The following ANK2 variants were observed in gnomAD, a reference collection of about 807,000 sequenced individuals.
ANK2 encodes the protein ankyrin-2.
ANK2 carries 83 observed loss-of-function variants against 360.5 expected under a neutral mutation model. The ratio of observed to expected loss-of-function variants is 0.23; its 90% CI spans 0.19 to 0.28. The LOEUF (loss-of-function observed/expected upper bound fraction) is 0.28, where lower values mean the gene tolerates loss of function less well. Ranked by LOEUF, ANK2 falls within the 10% of genes least tolerant of loss-of-function variation. The pLI, the probability that ANK2 is intolerant of heterozygous loss-of-function variation, is 1.00. For missense variants in ANK2, 4,201 were observed against 4,795.7 expected (o/e 0.88, Z 3.66); for synonymous variants, 1,740 against 1,759.5 (o/e 0.99, Z 0.28).
chr4:113,266,694 A>G (rs1352423153), intron 14 of ANK2, among the ~76,000 whole-genome samples: 2 of 152,350 alleles, frequency 1.3e-5, no homozygotes, highest in East Asian at 1.9e-4. Flanking sequence ...CCTGACCAAC[A>G]TGGAGAAACC....
At chr4:113,046,862 G>C (rs1163805243), upstream of ANK2, among the ~76,000 whole-genome samples, 1 of 152,142 alleles carries the variant, frequency 6.6e-6, no homozygotes, top group Admixed American at 6.5e-5. Context: ...TGTTACAAAG[G>C]CTGTCAGAAC....
upstream of ANK2, among the ~76,000 whole-genome samples, chr4:112,813,128 C>T (rs977105786): frequency 3.3e-5 from 5 of 151,342 alleles, no homozygotes; most frequent in African/African-American, 1.2e-4. Flanking sequence ...GTCCCAGCTA[C>T]TTGGGAGGCT....
intron 22 of ANK2, among the ~76,000 whole-genome samples, chr4:113,294,364 T>C (rs1042452913): frequency 6.6e-6 from 1 of 152,244 alleles, no homozygotes; most frequent in South Asian, 2.1e-4. Flanking sequence ...AAAGAATGGC[T>C]CTTTAATTTA....
intron 1 of ANK2, among the ~76,000 whole-genome samples, chr4:113,077,235 T>G (rs1192142100): frequency 2.6e-5 from 4 of 152,090 alleles, no homozygotes; most frequent in African/African-American, 9.7e-5. Flanking sequence ...CATCATATCA[T>G]GTTAAGAGAA....
At chr4:113,007,738 T>C (rs2053388599) in intron 2 of ANK2, among the ~76,000 whole-genome samples, 1 of 152,162 alleles carries the variant, frequency 6.6e-6, no homozygotes, top group South Asian at 2.1e-4. Context: ...AAATAAGCCA[T>C]GTTATACAAG....
At chr4:112,775,536 C>CACACACACACACACAT in the ANK2 span, among the ~76,000 whole-genome samples, 2 of 151,576 alleles carry the variant, frequency 1.3e-5, no homozygotes, top group Non-Finnish European at 2.9e-5. Flanking sequence ...CACACACACA[C>CACACACACACACACAT]ACACACACAA....
chr4:113,092,597 G>A (rs2088959758), intron 1 of ANK2, among the ~76,000 whole-genome samples: 1 of 125,230 alleles, frequency 8.0e-6, no homozygotes, highest in African/African-American at 3.1e-5. Context: ...AAGTTACTAT[G>A]TTCTATGTAT....
At chr4:112,948,155 A>G (rs1428434008) in intron 2 of ANK2, among the ~76,000 whole-genome samples, 1 of 151,978 alleles carries the variant, frequency 6.6e-6, no homozygotes. Context: ...GTTGTGGGTA[A>G]TTTCTCGCAG....
chr4:112,890,312 C>A (rs1374212975), intron 1 of ANK2, among the ~76,000 whole-genome samples: 1 of 152,152 alleles, frequency 6.6e-6, no homozygotes, highest in Non-Finnish European at 1.5e-5. Flanking sequence ...TGAAACTTGG[C>A]TCCTCAGTCT....
chr4:112,903,565 G>A (rs2084176987), intron 1 of ANK2, among the ~76,000 whole-genome samples: 1 of 152,098 alleles, frequency 6.6e-6, no homozygotes, highest in African/African-American at 2.4e-5. Flanking sequence ...TAGAAGCATG[G>A]CCATATATTA....
At chr4:112,919,611 T>C (rs1345854373) in intron 2 of ANK2, among the ~76,000 whole-genome samples, 2 of 152,112 alleles carry the variant, frequency 1.3e-5, no homozygotes, top group Non-Finnish European at 2.9e-5. Flanking sequence ...ATGAAATAAG[T>C]ATAATACCAA....
intron 1 of ANK2, among the ~76,000 whole-genome samples, chr4:113,117,669 T>G (rs1220145651): frequency 6.6e-6 from 1 of 152,196 alleles, no homozygotes; most frequent in Non-Finnish European, 1.5e-5. Flanking sequence ...TTTGTCTCAA[T>G]TATCTTTATT....
intron 26 of ANK2, among the ~76,000 whole-genome samples, chr4:113,324,258 A>G (rs1307021712): frequency 1.3e-5 from 2 of 152,180 alleles, no homozygotes; most frequent in African/African-American, 2.4e-5. Flanking sequence ...AAAGGCTGAA[A>G]GTGTATTAGT....
Position 112,825,971 on chromosome 4 carries a change from G to A in ANK2, c.-40+7707G>A, listed in dbSNP as rs146841721. ...GCCTTAATTACTTATTTCACAGGAAGGTCAAAGAATTGTGTTTTGGCTTAC... is the reference window on the plus strand; with the variant it reads ...GCCTTAATTACTTATTTCACAGGAAAGTCAAAGAATTGTGTTTTGGCTTAC... On this transcript the variant is annotated intron_variant, in intron 1 of 30. Coordinates refer to the ANK2 transcript ENST00000503271. Among the ~76,000 whole-genome samples, 338 of 152,278 alleles carry A rather than the reference G, an allele frequency of 2.2e-3. 1 individual carries two copies. Among genetic ancestry groups the A allele is most frequent in the Middle Eastern group, 6.8e-3 (2 of 294 alleles).
rs17045450 is a variant in ANK2, at chr4:113,042,714, G to A, written c.22-131702G>A. Among the ~76,000 whole-genome samples the A allele has an allele frequency of 9.0e-3, 1,377 of 152,236 alleles. 36 individuals are homozygous for A. Among genetic ancestry groups the A allele is most frequent in the East Asian group, 0.086 (445 of 5,150 alleles). On this transcript the variant is annotated intron_variant, in intron 2 of 30. Coordinates refer to the ANK2 transcript ENST00000503271. ...TGTGGGCCTCATCTCAGTTCTGCCAGTGTCATGGTCTTTTCCACCAGAGGG... is the reference window on the plus strand; with the variant it reads ...TGTGGGCCTCATCTCAGTTCTGCCAATGTCATGGTCTTTTCCACCAGAGGG...
chr4:113,211,656 A>G lies in ANK2; in HGVS notation c.384+12547A>G, dbSNP rs748396255. On this transcript the variant is annotated intron_variant, in intron 4 of 45. Coordinates refer to ENST00000357077, the MANE Select transcript of ANK2 (RefSeq NM_001148.6). ...ATTATACTCTTAACTAAATCACTTC[A>G]GTGTATAACTGGAAGGGGCTATTAG... Among the ~76,000 whole-genome samples, 56 of 152,298 alleles carry G rather than the reference A, an allele frequency of 3.7e-4. 1 individual carries two copies. Among genetic ancestry groups the G allele is most frequent in the Admixed American group, 3.4e-3 (52 of 15,296 alleles).
chr4:113,001,766 C>G (rs1578749114), intron 2 of ANK2, among the ~76,000 whole-genome samples: 2 of 152,218 alleles, frequency 1.3e-5, no homozygotes, highest in South Asian at 2.1e-4. Flanking sequence ...TCAGGCTTCT[C>G]TCCTCTCGCT....
At chr4:112,742,433 G>C in the ANK2 span, among the ~76,000 whole-genome samples, 2 of 151,200 alleles carry the variant, frequency 1.3e-5, no homozygotes, top group Non-Finnish European at 2.9e-5. Context: ...TATTAGGACG[G>C]CTATGGAGTT....
chr4:112,956,232 TGTAA>T (rs1350880587), intron 2 of ANK2, among the ~76,000 whole-genome samples: 4 of 152,260 alleles, frequency 2.6e-5, no homozygotes, highest in Non-Finnish European at 5.9e-5. Flanking sequence ...GCACTATGGC[TGTAA>T]GTTTTTGCAG....
Sources: allele counts gnomAD v4.1 joint callset (sites outside exome capture counted in the v4.1 genomes callset), GRCh38; gene constraint gnomAD v4.1.1; transcripts MANE v1.5; gene names NCBI Gene and HGNC (gene_info 2026-07-23, HGNC 2026-07-21).